RBM19: variants seen among roughly 807,000 people sequenced by gnomAD.
The protein encoded by RBM19 is RNA binding motif protein 19.
In RBM19, 94 loss-of-function variants were observed where a neutral mutation model predicts 116.8. The ratio of observed to expected loss-of-function variants is 0.80; its 90% confidence interval spans 0.68 to 0.95. The LOEUF (loss-of-function observed/expected upper bound fraction) is 0.95, where lower values mean the gene tolerates loss of function less well. Ranked by LOEUF, RBM19 falls within the 40% of genes least tolerant of loss-of-function variation. The pLI is 0.00. For synonymous variants in RBM19, 475 were observed against 494.1 expected (o/e 0.96, Z 0.51); for missense variants, 1,161 against 1,220.7 (o/e 0.95, Z 0.73).
intron 23 of RBM19, among the ~76,000 whole-genome samples, chr12:113,837,595 C>T (rs1023296882): frequency 8.5e-5 from 13 of 152,178 alleles, no homozygotes; most frequent in African/African-American, 2.9e-4. Flanking sequence ...TGAGGCAGAG[C>T]GACTTGCCTG....
intron 6 of RBM19, among the ~76,000 whole-genome samples, chr12:113,955,894 G>C (rs1388640751): frequency 6.6e-6 from 1 of 152,196 alleles, no homozygotes; most frequent in African/African-American, 2.4e-5. Context: ...AGGCAGAGGG[G>C]AGTGAGCCCT....
chr12:113,913,946 T>C (rs1287897490), intron 21 of RBM19, among the ~76,000 whole-genome samples: 1 of 152,212 alleles, frequency 6.6e-6, no homozygotes, highest in African/African-American at 2.4e-5. Context: ...TCTATTACCC[T>C]GCCCATGCCT....
At chr12:113,940,522 C>CGTGCAGCCAGCA (rs1399673398) in intron 14 of RBM19, among the ~76,000 whole-genome samples, 2 of 152,222 alleles carry the variant, frequency 1.3e-5, no homozygotes, top group Non-Finnish European at 2.9e-5. Context: ...CCTGCTACCA[C>CGTGCAGCCAGCA]GTGCAGCCAG....
At chr12:113,842,773 G>C (rs1876610546) in intron 23 of RBM19, among the ~76,000 whole-genome samples, 1 of 152,164 alleles carries the variant, frequency 6.6e-6, no homozygotes, top group Non-Finnish European at 1.5e-5. Context: ...CCTGGAGGAG[G>C]TGTCATTCTA....
At chr12:113,954,290 T>TCA (rs912789988) in intron 7 of RBM19, among the ~76,000 whole-genome samples, 10 of 151,902 alleles carry the variant, frequency 6.6e-5, no homozygotes, top group Non-Finnish European at 7.4e-5. Flanking sequence ...AGACCCTGTC[T>TCA]CACACACACA....
chr12:113,878,632 GACACACAC>G lies in RBM19; in HGVS notation c.2559-19744_2559-19737del, dbSNP rs55868508. Among the ~76,000 whole-genome samples the G allele has an allele frequency of 3.9e-4, 54 of 137,892 alleles. 1 individual carries two copies. Among genetic ancestry groups the G allele is most frequent in the African/African-American group, 1.1e-3 (39 of 37,084 alleles). 90.5% of individuals were successfully genotyped at this position (137,892 alleles called of 152,430 possible). ...AGAAAGAGGTACATCCATTCTCCCTGACACACACACACACACACACACACACACACACA... is the reference window on the plus strand; with the variant it reads ...AGAAAGAGGTACATCCATTCTCCCTGACACACACACACACACACACACACA... On this transcript the variant is annotated intron_variant, in intron 21 of 23. Transcript: ENST00000261741.
rs79668619 is a variant in RBM19, at chr12:113,839,435, C to A, written c.2785+5233G>T. 9.5e-3 allele frequency among the ~76,000 whole-genome samples: 1,443 copies of A among 152,344 alleles called. 8 individuals carry two copies. The highest frequency in any genetic ancestry group is 0.013 in the Non-Finnish European group (888 of 68,038). On this transcript the variant is annotated intron_variant, in intron 23 of 23. Coordinates refer to ENST00000261741, the MANE Select transcript of RBM19 (RefSeq NM_016196.4). Reference sequence around the variant, plus strand: ...TCTGTGCTGGACACACTCCAGGCATCACCTCACTTTCCCAATCCAGTGTCA... The same window carrying A: ...TCTGTGCTGGACACACTCCAGGCATAACCTCACTTTCCCAATCCAGTGTCA...
At position 113,898,546 on chromosome 12, in the gene RBM19, T is replaced by A. The variant is rs1278203498; in HGVS notation, c.2558+16423A>T. On this transcript the variant is annotated intron_variant, in intron 21 of 23. Transcript: ENST00000261741. The surrounding 1 kb of genome is among the most constrained non-coding windows in gnomAD (Gnocchi z 4.3). ...CATAATTTCAATAACACTACAATGC[T>A]AACTTTTATTTTTAAGTGATCAGGA... 1.3e-5 allele frequency among the ~76,000 whole-genome samples: 2 copies of A among 152,224 alleles called. No individual in the cohort carries two copies. The highest frequency in any genetic ancestry group is 2.9e-5 in the Non-Finnish European group (2 of 68,040).
At chr12:113,866,566 G>GTGAA (rs1394808968) in intron 21 of RBM19, among the ~76,000 whole-genome samples, 6 of 152,238 alleles carry the variant, frequency 3.9e-5, no homozygotes, top group Non-Finnish European at 7.3e-5. Context: ...CACCAACTGG[G>GTGAA]TGAACCTGGG....
At chr12:113,909,214 C>T (rs1882269836) in intron 21 of RBM19, among the ~76,000 whole-genome samples, 1 of 152,134 alleles carries the variant, frequency 6.6e-6, no homozygotes, top group Admixed American at 6.5e-5. Flanking sequence ...ACTCAGACTC[C>T]CAGACTCAAA....
At chr12:113,858,121 G>A (rs952685471) in intron 22 of RBM19, among the ~76,000 whole-genome samples, 1 of 152,236 alleles carries the variant, frequency 6.6e-6, no homozygotes, top group Non-Finnish European at 1.5e-5. Context: ...CCAGGCTCTT[G>A]TTCACACAGC....
chr12:113,946,032 A>G (rs1257784939), intron 12 of RBM19, 108 bp from the exon 13 acceptor site: 2 of 1,030,852 alleles, frequency 1.9e-6, no homozygotes, highest in Non-Finnish European at 2.9e-6. Context: ...GCCTATCTAC[A>G]TGCCCCCAAT....
chr12:113,902,996 C>T (rs1395948201), intron 21 of RBM19, among the ~76,000 whole-genome samples: 4 of 152,132 alleles, frequency 2.6e-5, no homozygotes, highest in Non-Finnish European at 5.9e-5. Flanking sequence ...TTGCCACAGC[C>T]AATTTTAGAA....
rs114546504 is a variant in RBM19, at chr12:113,898,836, C to T, written c.2558+16133G>A. Among the ~76,000 whole-genome samples the T allele has an allele frequency of 1.6e-3, 245 of 152,296 alleles. 1 individual carries two copies. The highest frequency in any genetic ancestry group is 5.7e-3 in the African/African-American group (238 of 41,562). On this transcript the variant is annotated intron_variant, in intron 21 of 23. Coordinates refer to ENST00000261741, the MANE Select transcript of RBM19 (RefSeq NM_016196.4). The surrounding 1 kb of genome is among the most constrained non-coding windows in gnomAD (Gnocchi z 4.3). ...CATTCTGAATTTAGTTTCTGCAAAA[C>T]GACATCATCCATCACGCTAAAATAA... is the stretch of plus-strand genomic sequence containing the variant.
intron 10 of RBM19, among the ~76,000 whole-genome samples, chr12:113,948,610 G>A (rs555216878): frequency 6.3e-4 from 96 of 152,300 alleles, no homozygotes; most frequent in African/African-American, 2.3e-3. Context: ...TGCCAGTGAT[G>A]CTATTAATAC....
At chr12:113,842,398 A>G (rs1343447162) in intron 23 of RBM19, among the ~76,000 whole-genome samples, 1 of 152,250 alleles carries the variant, frequency 6.6e-6, no homozygotes, top group African/African-American at 2.4e-5. Flanking sequence ...GGTTGTCGAT[A>G]AGGACAGGCT....
chr12:113,952,654 C>A, intron 7 of RBM19, 64 bp from the exon 8 acceptor site: 1 of 1,312,518 alleles, frequency 7.6e-7, no homozygotes, highest in Non-Finnish European at 1.1e-6. Context: ...AACGAAAAGA[C>A]ATGGGGCAAA....
chr12:113,914,641 G>C (rs141135366), intron 21 of RBM19, among the ~76,000 whole-genome samples: 176 of 152,344 alleles, frequency 1.2e-3, no homozygotes, highest in African/African-American at 4.2e-3. Context: ...ATTTCAAGCA[G>C]ATCATGGGTA....
intron 5 of RBM19, among the ~76,000 whole-genome samples, chr12:113,958,288 A>G (rs1003591238): frequency 6.6e-6 from 1 of 152,148 alleles, no homozygotes; most frequent in Non-Finnish European, 1.5e-5. Context: ...CCCTGCCACC[A>G]GCCATGTCTT....
Sources: gnomAD v4.1 joint callset for allele counts (sites outside exome capture counted in the v4.1 genomes callset) on GRCh38, gnomAD v4.1.1 for gene constraint, Gnocchi (gnomAD v3.1) non-coding constraint, MANE v1.5 for transcripts, NCBI Gene and HGNC (gene_info 2026-07-23, HGNC 2026-07-21) for gene names.